Variants in CYB561 observed in about 807,000 individuals in gnomAD.
CYB561 encodes transmembrane ascorbate-dependent reductase CYB561.
CYB561 carries 11 observed loss-of-function variants against 25.3 expected under a neutral mutation model. The ratio of observed to expected loss-of-function variants is 0.44; its 90% CI spans 0.27 to 0.72. The LOEUF is 0.72. CYB561 is among the 30% of genes least tolerant of loss of function. The pLI, the probability that CYB561 is intolerant of heterozygous loss-of-function variation, is 0.18. For synonymous variants in CYB561, 165 were observed against 158.8 expected, an observed-to-expected ratio of 1.04 and a Z score of -0.29; for missense variants, 295 against 334.9, an observed-to-expected ratio of 0.88 and a Z score of 0.93.
rs370570858 is a variant in CYB561 at position 63,437,455 on chromosome 17, G to A, written c.93C>T (p.Thr31=). 1.9e-6 allele frequency: 3 copies of A among 1,613,912 alleles called. No homozygotes were observed. Among genetic ancestry groups the A allele is most frequent in the Non-Finnish European group, 2.5e-6 (3 of 1,179,970 alleles). The change falls in exon 2 of 6, where the codon ACC becomes ACT. Residue 31 remains threonine, a synonymous_variant. Coordinates refer to ENST00000360793, the MANE Select transcript of CYB561 (RefSeq NM_001915.4). ...QLLGLTLVAM[T]GAWLGLYRGG... Reference sequence around the variant, plus strand: ...CTCGGTACAGCCCGAGCCACGCGCCGGTCATGGCCACCAAGGTCAGGCCCA... The same window carrying A: ...CTCGGTACAGCCCGAGCCACGCGCCAGTCATGGCCACCAAGGTCAGGCCCA...
At position 63,436,180 on chromosome 17, in the gene CYB561, G is replaced by A. The variant is rs138528177; in HGVS notation, c.203-28C>T. Reference sequence around the variant, plus strand: ...GTGGGAGGTGAGAGAGGGAACGTGAGTGCATCCGCCTGTGCGTGAGGCCTC... The same window carrying A: ...GTGGGAGGTGAGAGAGGGAACGTGAATGCATCCGCCTGTGCGTGAGGCCTC... On this transcript the variant is annotated intron_variant, in intron 2 of 5. Transcript: ENST00000360793. This position sits in a 1 kb window ranked among gnomAD's most constrained non-coding sequence, Gnocchi z 4.8. 5.8e-4 allele frequency: 930 copies of A among 1,611,144 alleles called. 8 individuals carry two copies. The East Asian group carries it at 0.02, about 34-fold the overall frequency.
chr17:63,441,919 C>A (rs1397127772), intron 1 of CYB561, among the ~76,000 whole-genome samples: 4 of 152,234 alleles, frequency 2.6e-5, no homozygotes, highest in African/African-American at 4.8e-5. Flanking sequence ...CAGGCCCTGA[C>A]CGAAGGCAAG....
Position 63,437,379 on chromosome 17 carries a change from T to G in CYB561, c.169A>C (p.Met57Leu). The G allele has an allele frequency of 6.2e-7, 1 of 1,613,978 alleles. No individual in the cohort carries two copies. Among genetic ancestry groups the G allele is most frequent in the Non-Finnish European group, 8.5e-7 (1 of 1,179,966 alleles). ...TGCAGGAAGATCAGGCCTATGACCA[T>G]GCAGAGGGGGTGCGCGTTGAACTGC... is the stretch of plus-strand genomic sequence containing the variant. ...DLQFNAHPLC[M>L]VIGLIFLQGN... Residue 57 changes from methionine (M) to leucine (L), a missense_variant, in exon 2 of 6, where the codon ATG (methionine) becomes CTG (leucine). Physicochemically the swap from Met to Leu is conservative, Grantham distance 15. Coordinates refer to ENST00000360793, the MANE Select transcript of CYB561 (RefSeq NM_001915.4).
At position 63,434,492 on chromosome 17, in the gene CYB561, G is replaced by C; in HGVS notation, c.666C>G (p.Ala222=). ...GGAVLYILTR[A]DWKRPSQAEE... is the part of the protein sequence containing the mutation. Reference sequence around the variant, plus strand: ...CCGCCTGGGAAGGCCGCTTCCAGTCGGCCCGGGTCAAGATGTAGAGCACCG... The same window carrying C: ...CCGCCTGGGAAGGCCGCTTCCAGTCCGCCCGGGTCAAGATGTAGAGCACCG... Residue 222 remains alanine, a synonymous_variant, in exon 6 of 6, where the codon GCC becomes GCG. Transcript: ENST00000360793. The C allele has an allele frequency of 6.2e-7, 1 of 1,612,962 alleles. No homozygotes were observed.
chr17:63,432,520 TAGAG>T lies in CYB561; in HGVS notation c.*1878_*1881del, dbSNP rs938913631. 18 of 152,216 alleles carry T rather than the reference TAGAG, an allele frequency of 1.2e-4. No homozygotes were observed. The highest frequency in any genetic ancestry group is 3.9e-4 in the Admixed American group (6 of 15,282). 9.4% of individuals were successfully genotyped at this position (152,216 alleles called of 1,614,324 possible). A position where few individuals can be genotyped will look rare whatever the true frequency, so the allele number is the denominator to read the frequency against. On this transcript the variant is annotated 3_prime_UTR_variant, in exon 6 of 6. Transcript: ENST00000360793. ...CCATTTCTCTCTGTAGCATTCCGGC[TAGAG>T]AGAGACACGATTGTACTTTGGTAGT... is the stretch of plus-strand genomic sequence containing the variant.
rs1325118149 is a variant in CYB561 at position 63,436,014 on chromosome 17, G to T, written c.301+40C>A. ...AGCGGCTGTTTGCCATACCTGAAGA[G>T]GCAGGCAGGTGGCGGGGAAGGCCGC... On this transcript the variant is annotated intron_variant, in intron 3 of 5. Transcript: ENST00000360793. This position sits in a 1 kb window ranked among gnomAD's most constrained non-coding sequence, Gnocchi z 4.8. 6.2e-7 allele frequency: 1 copy of T among 1,613,628 alleles called. No individual in the cohort carries two copies. Among genetic ancestry groups the T allele is most frequent in the Admixed American group, 1.7e-5 (1 of 60,028 alleles).
rs887410054 is a variant in CYB561 at position 63,434,491 on chromosome 17, C to T, written c.667G>A (p.Asp223Asn). ...TCCGCCTGGGAAGGCCGCTTCCAGT[C>T]GGCCCGGGTCAAGATGTAGAGCACC... ...GAVLYILTRA[D>N]WKRPSQAEEQ... The change falls in exon 6 of 6, where the codon GAC (aspartate) becomes AAC (asparagine). Residue 223 changes from aspartate to asparagine, a missense_variant. Physicochemically the swap from Asp to Asn is conservative, Grantham distance 23. Transcript: ENST00000360793. The T allele has an allele frequency of 1.5e-5, 24 of 1,612,794 alleles. No homozygotes were observed. Among genetic ancestry groups the T allele is most frequent in the Admixed American group, 3.3e-5 (2 of 59,914 alleles).
At chr17:63,434,665 G>A (rs1178392220) in intron 5 of CYB561, 71 bp from the exon 6 acceptor site, 4 of 1,375,228 alleles carry the variant, frequency 2.9e-6, no homozygotes, top group Non-Finnish European at 4.0e-6. Flanking sequence ...TTGTATCCTG[G>A]GCCTTAAAGA....
intron 1 of CYB561, chr17:63,438,374 C>G (rs181302827): frequency 4.7e-6 from 3 of 642,396 alleles, no homozygotes; most frequent in Non-Finnish European, 7.9e-6. Flanking sequence ...CTCCCTCCCC[C>G]ATCCTGGTTT....
intron 1 of CYB561, among the ~76,000 whole-genome samples, chr17:63,445,588 CAGGG>C (rs916459654): frequency 8.1e-5 from 11 of 136,330 alleles, no homozygotes; most frequent in South Asian, 2.7e-4. Flanking sequence ...GGGGACAGGG[CAGGG>C]AGGGAGGGAG....
chr17:63,434,258 A>G lies in CYB561; in HGVS notation c.*144T>C. On this transcript the variant is annotated 3_prime_UTR_variant, in exon 6 of 6. Transcript: ENST00000360793. ...GCAGAGGAGGCGGAGACCTGACCCC[A>G]GAAAGCAGCACTCAAACAGATGCAG... 1.5e-6 allele frequency: 1 copy of G among 689,138 alleles called. No individual in the cohort carries two copies. 42.7% of individuals were successfully genotyped at this position (689,138 alleles called of 1,614,324 possible).
chr17:63,432,380 A>AAT lies in CYB561; in HGVS notation c.*2020_*2021dup, dbSNP rs1161365471. The AAT allele has an allele frequency of 1.5e-4, 23 of 152,298 alleles. No individual in the cohort carries two copies. Among genetic ancestry groups the AAT allele is most frequent in the African/African-American group, 4.3e-4 (18 of 41,564 alleles). 9.4% of individuals were successfully genotyped at this position (152,298 alleles called of 1,614,324 possible). A position where few individuals can be genotyped will look rare whatever the true frequency, so the allele number is the denominator to read the frequency against. ...TTCACAGAAGATTGGCCACAGGCAA[A>AAT]ATAAAATAACCCACCACAAATCCGC... On this transcript the variant is annotated 3_prime_UTR_variant, in exon 6 of 6. Coordinates refer to ENST00000360793, the MANE Select transcript of CYB561 (RefSeq NM_001915.4).
Position 63,436,422 on chromosome 17 carries a change from G to A in CYB561, c.203-270C>T, listed in dbSNP as rs370132861. The A allele has an allele frequency of 2.4e-4, 99 of 410,778 alleles. No homozygotes were observed. In the East Asian group the frequency reaches 3.0e-3, roughly 12 times the overall value. The allele number at this position is 410,778 out of a possible 1,614,324, so 25.4% of individuals were successfully genotyped here. A position where few individuals can be genotyped will look rare whatever the true frequency, so the allele number is the denominator to read the frequency against. On this transcript the variant is annotated intron_variant, in intron 2 of 5. Transcript: ENST00000360793. The surrounding 1 kb of genome is among the most constrained non-coding windows in gnomAD (Gnocchi z 4.8). ...AGCTGTGCACAAAGAGGGCAGGGCC[G>A]GAGGCTGCACCACAGTCCCCACCAC...
At position 63,436,873 on chromosome 17, in the gene CYB561, C is replaced by T. The variant is rs1477176849; in HGVS notation, c.202+473G>A. 6.6e-6 allele frequency among the ~76,000 whole-genome samples: 1 copy of T among 152,166 alleles called. No individual in the cohort carries two copies. Among genetic ancestry groups the T allele is most frequent in the Non-Finnish European group, 1.5e-5 (1 of 68,026 alleles). ...GATGCAGATCCCGCTTCCTGGATCC[C>T]TGGCCTGGAGGCAGGTGGAGGCCAA... On this transcript the variant is annotated intron_variant, in intron 2 of 5. Coordinates refer to ENST00000360793, the MANE Select transcript of CYB561 (RefSeq NM_001915.4). The surrounding 1 kb of genome is among the most constrained non-coding windows in gnomAD (Gnocchi z 4.8).
At chr17:63,439,941 A>C (rs2049358075) in intron 1 of CYB561, among the ~76,000 whole-genome samples, 1 of 152,200 alleles carries the variant, frequency 6.6e-6, no homozygotes, top group African/African-American at 2.4e-5. Context: ...TCTGCAGGGA[A>C]TCCTGAAACA....
intron 1 of CYB561, chr17:63,439,393 C>T (rs1263945461): frequency 6.6e-6 from 1 of 152,150 alleles, no homozygotes; most frequent in African/African-American, 2.4e-5. Context: ...ATTAGCCGGG[C>T]ATGGTGGCTC....
Position 63,437,327 on chromosome 17 carries a change from A to G in CYB561, c.202+19T>C. ...ACCCCCACAAGCCCGGGAAAAGAGG[A>G]GCGGCCCATGGGACTCACCATTTCC... On this transcript the variant is annotated intron_variant, in intron 2 of 5. Transcript: ENST00000360793. The G allele has an allele frequency of 6.3e-7, 1 of 1,598,522 alleles. No homozygotes were observed. The highest frequency in any genetic ancestry group is 1.7e-5 in the Admixed American group (1 of 59,828).
In CYB561 at chr17:63,434,157, T is replaced by C; in HGVS notation, c.*245A>G. 2.0e-6 allele frequency: 1 copy of C among 491,500 alleles called. No homozygotes were observed. Among genetic ancestry groups the C allele is most frequent in the Non-Finnish European group, 3.6e-6 (1 of 274,066 alleles). The allele number at this position is 491,500 out of a possible 1,614,324, so 30.4% of individuals were successfully genotyped here. A position where few individuals can be genotyped will look rare whatever the true frequency, so the allele number is the denominator to read the frequency against. On this transcript the variant is annotated 3_prime_UTR_variant, in exon 6 of 6. Coordinates refer to ENST00000360793, the MANE Select transcript of CYB561 (RefSeq NM_001915.4). ...AACACCCGAAGTCCTACCCAAAGCC[T>C]TCTGCACTGAAGGGGGCAACAGAGA...
At chr17:63,435,909 C>T in intron 3 of CYB561, 118 bp from the exon 4 acceptor site, 1 of 1,584,382 alleles carries the variant, frequency 6.3e-7, no homozygotes, top group Non-Finnish European at 8.6e-7. Flanking sequence ...CGAGGGCTGC[C>T]AGCACCTAGT....
Sources: allele counts gnomAD v4.1 joint callset (sites outside exome capture counted in the v4.1 genomes callset), GRCh38; gene constraint gnomAD v4.1.1; non-coding constraint Gnocchi (gnomAD v3.1); transcripts MANE v1.5; gene names NCBI Gene and HGNC (gene_info 2026-07-23, HGNC 2026-07-21).